Variants in TTN observed in about 807,000 individuals in gnomAD.
TTN encodes the protein titin.
In TTN, 1,525 loss-of-function variants were observed where a neutral mutation model predicts 3,223.0. The ratio of observed to expected loss-of-function variants is 0.47; its 90% CI spans 0.45 to 0.49. TTN has a LOEUF of 0.49. Ranked by LOEUF, TTN falls within the 20% of genes least tolerant of loss-of-function variation. The pLI is 0.00. For synonymous variants in TTN, 14,094 were observed against 15,161.0 expected (o/e 0.93, Z 5.17); for missense variants, 40,786 against 43,424.0 (o/e 0.94, Z 5.40).
At position 178,705,192 on chromosome 2, in the gene TTN, T is replaced by G; in HGVS notation, c.29586A>C (p.Glu9862Asp). The G allele has an allele frequency of 1.2e-6, 2 of 1,613,540 alleles. No homozygotes were observed. Among genetic ancestry groups the G allele is most frequent in the African/African-American group, 2.7e-5 (2 of 75,050 alleles). ...QAFELLKQSQ[E>D]EETHRLEIEE... ...AGCATACCAGTCTATGTGTCTCTTC[T>G]TCTTGGCTTTGCTTGAGCAGTTCAA... The change falls in exon 103 of 363, where the codon GAA becomes GAC. Residue 9862 changes from glutamate (E) to aspartate (D), a missense_variant. Coordinates refer to ENST00000589042, the MANE Select transcript of TTN (RefSeq NM_001267550.2).
In TTN at chr2:178,563,782, A is replaced by T. The variant is rs1060503941; in HGVS notation, c.82350T>A (p.Tyr27450Ter). 6.2e-7 allele frequency: 1 copy of T among 1,613,592 alleles called. No individual in the cohort carries two copies. The highest frequency in any genetic ancestry group is 8.5e-7 in the Non-Finnish European group (1 of 1,179,758). The stretch of plus-strand genomic sequence containing the variant: ...CAGATTCCAAGGGCTCTCCAATTCC[A>T]TATTTATTCACAGCCATGACACGGA... Reference protein sequence around the residue: ...YIFRVMAVNKYGIGEPLESGP... With the variant: ...YIFRVMAVNK Residue 27450 changes from tyrosine (Y) to a stop codon, truncating the protein, a stop_gained, in exon 326 of 363, where the codon TAT (tyrosine) becomes TAA (stop). Coordinates refer to ENST00000589042, the MANE Select transcript of TTN (RefSeq NM_001267550.2). LOFTEE classifies it high-confidence loss of function. This position sits in a 1 kb window ranked among gnomAD's most constrained non-coding sequence, Gnocchi z 4.5.
In TTN at chr2:178,802,235, C is replaced by T. The variant is rs764223195; in HGVS notation, c.198G>A (p.Thr66=). ...ISFSDGRAKL[T]IPAVTKANSG... is the part of the protein sequence containing the mutation. The stretch of plus-strand genomic sequence containing the variant: ...TGTTGGCTTTAGTCACGGCGGGGAT[C>T]GTCAGTTTAGCGCGGCCATCGCTAA... Residue 66 remains threonine, a synonymous_variant, in exon 3 of 363, where the codon ACG becomes ACA. Coordinates refer to ENST00000589042, the MANE Select transcript of TTN (RefSeq NM_001267550.2). The T allele has an allele frequency of 6.2e-6, 10 of 1,613,996 alleles. No homozygotes were observed. The highest frequency in any genetic ancestry group is 3.3e-5 in the Admixed American group (2 of 60,000).
intron 20 of TTN, among the ~76,000 whole-genome samples, 153 bp downstream of exon 20, chr2:178,782,058 CA>C (rs1365254853): frequency 2.6e-5 from 4 of 151,724 alleles, no homozygotes; most frequent in South Asian, 2.1e-4. Context: ...AGACTTTGCA[CA>C]AAAAAAATGT....
rs1291858502 is a variant in TTN at position 178,678,846 on chromosome 2, A to G, written c.33743-16T>C. 1 of 1,577,610 alleles carries G rather than the reference A, an allele frequency of 6.3e-7. No individual in the cohort carries two copies. The highest frequency in any genetic ancestry group is 1.2e-5 in the South Asian group (1 of 82,400). ...ACTTCAGGAACTTCAAAGATATCAA[A>G]TAGAGTTAGTGTCACATTTTTTACC... On this transcript the variant is annotated splice_polypyrimidine_tract_variant and intron_variant, in intron 142 of 362. Transcript: ENST00000589042.
chr2:178,804,736 G>A (rs545081820), intron 1 of TTN, 81 bp from the exon 2 acceptor site: 853 of 1,286,694 alleles, frequency 6.6e-4, no homozygotes, highest in Non-Finnish European at 8.9e-4. Flanking sequence ...AGAGACACAC[G>A]TTTCTCCAAA....
intron 312 of TTN, 172 bp from the exon 313 acceptor site, chr2:178,583,399 G>A: frequency 1.6e-5 from 13 of 827,230 alleles, no homozygotes; most frequent in Non-Finnish European, 2.3e-5. Flanking sequence ...AATAACTATT[G>A]AAATTATATA....
At position 178,725,931 on chromosome 2, in the gene TTN, G is replaced by T. The variant is rs755018617; in HGVS notation, c.20391C>A (p.Asp6797Glu). 1.2e-6 allele frequency: 2 copies of T among 1,613,012 alleles called. No homozygotes were observed. The highest frequency in any genetic ancestry group is 1.7e-6 in the Non-Finnish European group (2 of 1,179,406). ...TPPFEVVWYK[D>E]KRQLRSSKKY... is the part of the protein sequence containing the mutation. ...TCTTGCTGCTTCTGAGTTGCCGCTT[G>T]TCTTTGTACCATACCACCTCAAACG... Residue 6797 changes from aspartate to glutamate, a missense_variant, in exon 70 of 363, where the codon GAC becomes GAA. Transcript: ENST00000589042.
At chr2:178,578,583 A>C (rs2046987232) in intron 321 of TTN, 28 bp downstream of exon 321, 1 of 1,531,638 alleles carries the variant, frequency 6.5e-7, no homozygotes. Flanking sequence ...TTGATGTAAA[A>C]GCTGTAGGAT....
rs2066016018 is a variant in TTN at position 178,666,830 on chromosome 2, G to C, written c.35869C>G (p.Pro11957Ala). ...ACTTTCTTCCAACTTGTACCTGTTGGTGATGGTGTTTTTCTTCTTTTAACA... is the reference window on the plus strand; with the variant it reads ...ACTTTCTTCCAACTTGTACCTGTTGCTGATGGTGTTTTTCTTCTTTTAACA... ...PIVKRRKTPS[P>A]TVPESPREIV... The change falls in exon 163 of 363, where the codon CCA becomes GCA. Residue 11957 changes from proline (P) to alanine (A), a missense_variant. Transcript: ENST00000589042. 1 of 1,566,070 alleles carries C rather than the reference G, an allele frequency of 6.4e-7. No homozygotes were observed. Among genetic ancestry groups the C allele is most frequent in the Non-Finnish European group, 8.7e-7 (1 of 1,155,030 alleles).
At position 178,723,710 on chromosome 2, in the gene TTN, G is replaced by C; in HGVS notation, c.21404-14C>G. On this transcript the variant is annotated splice_polypyrimidine_tract_variant and intron_variant, in intron 73 of 362. Transcript: ENST00000589042. ...AAGAGGGTGGTTCTATATAGACATG[G>C]AGAACAATTAAAAGATCCTGTAAGC... The C allele has an allele frequency of 6.5e-7, 1 of 1,543,426 alleles. No homozygotes were observed. The highest frequency in any genetic ancestry group is 8.7e-7 in the Non-Finnish European group (1 of 1,150,432).
rs1259196099 is a variant in TTN at position 178,531,391 on chromosome 2, G to A, written c.105224C>T (p.Ala35075Val). 6.2e-6 allele frequency: 10 copies of A among 1,613,894 alleles called. No individual in the cohort carries two copies. The highest frequency in any genetic ancestry group is 8.5e-6 in the Non-Finnish European group (10 of 1,179,902). ...SSFKKTSEMEASSSVREVKSQ... is the reference protein window; with the variant it reads ...SSFKKTSEMEVSSSVREVKSQ... Reference sequence around the variant, plus strand: ...TTTCACTTCCCTGACAGAAGACGAAGCTTCCATCTCAGATGTTTTCTTAAA... The same window carrying A: ...TTTCACTTCCCTGACAGAAGACGAAACTTCCATCTCAGATGTTTTCTTAAA... The change falls in exon 358 of 363, where the codon GCT becomes GTT. Residue 35075 changes from alanine (A) to valine (V), a missense_variant. By Grantham distance (64) the Ala-to-Val change is moderately conservative. Transcript: ENST00000589042.
rs766110889 is a variant in TTN, at chr2:178,571,431, C to T, written c.74701G>A (p.Val24901Ile). Reference sequence around the variant, plus strand: ...GGAACTTTGAATGGATATTGGGCTACAGTAGGCTCTGAATTGAGGTAGGTA... The same window carrying T: ...GGAACTTTGAATGGATATTGGGCTATAGTAGGCTCTGAATTGAGGTAGGTA... The part of the protein sequence containing the change: ...KSTYLNSEPT[V>I]AQYPFKVPGP... The change falls in exon 326 of 363, where the codon GTA (valine) becomes ATA (isoleucine). Residue 24901 changes from valine to isoleucine, a missense_variant. Val to Ile is a conservative substitution (Grantham distance 29, BLOSUM62 3). Coordinates refer to ENST00000589042, the MANE Select transcript of TTN (RefSeq NM_001267550.2). 66 of 1,613,342 alleles carry T rather than the reference C, an allele frequency of 4.1e-5. 2 individuals carry two copies. The South Asian group carries it at 6.7e-4, about 16-fold the overall frequency.
chr2:178,706,902 G>A lies in TTN; in HGVS notation c.29094C>T (p.Leu9698=), dbSNP rs763143292. The A allele has an allele frequency of 6.2e-7, 1 of 1,612,480 alleles. No individual in the cohort carries two copies. ...ATKKAAVDGR[L]FFVSEPQSIR... ...TACTCTGAGGTTCTGACACAAAAAAGAGTCTTCCATCTACCGCAGCTTTCT... is the reference window on the plus strand; with the variant it reads ...TACTCTGAGGTTCTGACACAAAAAAAAGTCTTCCATCTACCGCAGCTTTCT... The change falls in exon 101 of 363, where the codon CTC becomes CTT. Residue 9698 remains leucine, a synonymous_variant. Coordinates refer to ENST00000589042, the MANE Select transcript of TTN (RefSeq NM_001267550.2).
At position 178,773,849 on chromosome 2, in the gene TTN, A is replaced by G; in HGVS notation, c.7319T>C (p.Val2440Ala). ...PALGLSTSGR[V>A]SVYSVDVITP... ...TAATTAGGACTCACTATAGACAGAGACACGCCCACTGGTGGAGAGGCCAAG... is the reference window on the plus strand; with the variant it reads ...TAATTAGGACTCACTATAGACAGAGGCACGCCCACTGGTGGAGAGGCCAAG... Residue 2440 changes from valine to alanine, a missense_variant, in exon 31 of 363, where the codon GTC becomes GCC. Physicochemically the swap from Val to Ala is moderately conservative, Grantham distance 64 (BLOSUM62 0). Coordinates refer to ENST00000589042, the MANE Select transcript of TTN (RefSeq NM_001267550.2). 2.5e-6 allele frequency: 4 copies of G among 1,614,094 alleles called. No individual in the cohort carries two copies. The highest frequency in any genetic ancestry group is 3.4e-6 in the Non-Finnish European group (4 of 1,179,992).
chr2:178,650,604 G>T, intron 209 of TTN, 147 bp downstream of exon 209: 1 of 836,520 alleles, frequency 1.2e-6, no homozygotes, highest in Non-Finnish European at 1.8e-6. Context: ...ATTTGAGATT[G>T]GAGCTAATTT....
In TTN at chr2:178,599,789, A is replaced by G. The variant is rs1343947270; in HGVS notation, c.56112T>C (p.Ile18704=). ...MEVEEGTNVN[I]VAKIKGVPFP... is the part of the protein sequence containing the mutation. Reference sequence around the variant, plus strand: ...ATGGCACACCTTTAATTTTGGCCACAATGTTAACATTGGTTCCTTCTTCAA... The same window carrying G: ...ATGGCACACCTTTAATTTTGGCCACGATGTTAACATTGGTTCCTTCTTCAA... Residue 18704 remains isoleucine, a synonymous_variant, in exon 289 of 363, where the codon ATT becomes ATC. Transcript: ENST00000589042. 3 of 1,611,168 alleles carry G rather than the reference A, an allele frequency of 1.9e-6. No homozygotes were observed. Among genetic ancestry groups the G allele is most frequent in the Admixed American group, 3.3e-5 (2 of 59,702 alleles).
At position 178,570,560 on chromosome 2, in the gene TTN, C is replaced by G. The variant is rs767718233; in HGVS notation, c.75572G>C (p.Gly25191Ala). The change falls in exon 326 of 363, where the codon GGA (glycine) becomes GCA (alanine). Residue 25191 changes from glycine (G) to alanine (A), a missense_variant. Coordinates refer to ENST00000589042, the MANE Select transcript of TTN (RefSeq NM_001267550.2). ...GACATTCACAGTAACTGATCTTTCT[C>G]CTGCAACATTTTTGGCCTTCAGTAT... ...NYILKAKNVA[G>A]ERSVTVNVKV... is the part of the protein sequence containing the mutation. The G allele has an allele frequency of 1.9e-6, 3 of 1,613,350 alleles. No homozygotes were observed. In the South Asian group the frequency reaches 3.3e-5, roughly 18 times the overall value.
Position 178,533,117 on chromosome 2 carries a change from T to C in TTN, c.103498A>G (p.Lys34500Glu), listed in dbSNP as rs764730072. Residue 34500 changes from lysine (K) to glutamate (E), a missense_variant, in exon 358 of 363, where the codon AAA becomes GAA. Transcript: ENST00000589042. ...ACAGCAGCTTCTCTCAGAGCCTCTT[T>C]AGCTACCTGTGTCAGTGGTACACTT... Reference protein sequence around the residue: ...TESVPLTQVAKEALREAAVLY... With the variant: ...TESVPLTQVAEEALREAAVLY... 2 of 1,614,014 alleles carry C rather than the reference T, an allele frequency of 1.2e-6. No homozygotes were observed. The highest frequency in any genetic ancestry group is 2.2e-5 in the South Asian group (2 of 91,086).
At chr2:178,685,943 T>C (rs1227266816) in intron 127 of TTN, among the ~76,000 whole-genome samples, 35 of 152,170 alleles carry the variant, frequency 2.3e-4, no homozygotes, top group Non-Finnish European at 2.9e-5. Context: ...GTTTCACAAA[T>C]AGCAGAGCAC....
Sources: allele counts gnomAD v4.1 joint callset (sites outside exome capture counted in the v4.1 genomes callset), GRCh38; gene constraint gnomAD v4.1.1; non-coding constraint Gnocchi (gnomAD v3.1); transcripts MANE v1.5; gene names NCBI Gene and HGNC (gene_info 2026-07-23, HGNC 2026-07-21).